TAFA1: variants seen among roughly 807,000 people sequenced by gnomAD.
TAFA1 encodes the protein chemokine-like protein TAFA-1.
Under a neutral mutation model 18.5 loss-of-function variants are expected in TAFA1, and 4 were observed. The ratio of observed to expected loss-of-function variants is 0.22; its 90% CI spans 0.11 to 0.49. TAFA1 has a LOEUF of 0.49. TAFA1 is among the 20% of genes least tolerant of loss of function. The pLI, the probability that TAFA1 is intolerant of heterozygous loss-of-function variation, is 0.98. For missense variants in TAFA1, 147 were observed against 169.0 expected, an observed-to-expected ratio of 0.87 and a Z score of 0.72; for synonymous variants, 56 against 55.2, an observed-to-expected ratio of 1.01 and a Z score of -0.06.
At chr3:68,445,046 T>A (rs528264911) in intron 3 of TAFA1, among the ~76,000 whole-genome samples, 7 of 152,156 alleles carry the variant, frequency 4.6e-5, no homozygotes, top group Admixed American at 3.9e-4. Flanking sequence ...ATCTTGAGAA[T>A]AGAGCCCATA....
chr3:68,165,384 G>T (rs1205122165), intron 2 of TAFA1, among the ~76,000 whole-genome samples: 3 of 152,136 alleles, frequency 2.0e-5, no homozygotes, highest in African/African-American at 7.2e-5. Context: ...ATTTCTTAGG[G>T]TTACACTTTG....
chr3:68,345,970 C>T (rs7431487), intron 2 of TAFA1, among the ~76,000 whole-genome samples: 1 of 152,116 alleles, frequency 6.6e-6, no homozygotes, highest in Non-Finnish European at 1.5e-5. Flanking sequence ...AACTAACAGT[C>T]TGCTTAGAAT....
chr3:68,469,445 C>T (rs562885403), intron 3 of TAFA1, among the ~76,000 whole-genome samples: 7 of 152,186 alleles, frequency 4.6e-5, no homozygotes, highest in African/African-American at 4.8e-5. Flanking sequence ...GAGGCCAAAG[C>T]GGGTGGATCA....
Position 68,498,064 on chromosome 3 carries a change from C to G in TAFA1, c.260-40692C>G, listed in dbSNP as rs577377249. Among the ~76,000 whole-genome samples, 3 of 152,266 alleles carry G rather than the reference C, an allele frequency of 2.0e-5. No homozygotes were observed. The East Asian group carries it at 5.8e-4, about 29-fold the overall frequency. On this transcript the variant is annotated intron_variant, in intron 3 of 4. Transcript: ENST00000478136. ...CTAAGTACATTCTTTACCAACGTAG[C>G]TTGAGGCACTTGGTATTGTCAAATA... is the stretch of plus-strand genomic sequence containing the variant.
intron 2 of TAFA1, among the ~76,000 whole-genome samples, chr3:68,151,165 A>T (rs1575647130): frequency 6.6e-6 from 1 of 151,950 alleles, no homozygotes; most frequent in Non-Finnish European, 1.5e-5. Flanking sequence ...CACCATTAAC[A>T]TTCTCCTTTG....
intron 2 of TAFA1, among the ~76,000 whole-genome samples, chr3:68,210,368 T>G (rs979941700): frequency 6.6e-6 from 1 of 151,970 alleles, no homozygotes; most frequent in African/African-American, 2.4e-5. Flanking sequence ...GTTATCAGTG[T>G]GAATACACAT....
intron 2 of TAFA1, among the ~76,000 whole-genome samples, chr3:68,398,080 A>G (rs190748736): frequency 3.9e-5 from 6 of 152,106 alleles, no homozygotes; most frequent in Non-Finnish European, 5.9e-5. Context: ...TTTAAATTTC[A>G]TATGGAATAA....
At chr3:68,336,470 G>T (rs13340114) in intron 2 of TAFA1, among the ~76,000 whole-genome samples, 1 of 152,190 alleles carries the variant, frequency 6.6e-6, no homozygotes, top group South Asian at 2.1e-4. Context: ...ATATCTATGT[G>T]AAATTTCCTC....
At chr3:68,305,418 TATATATATATATATATATATA>T (rs2106658981) in intron 2 of TAFA1, among the ~76,000 whole-genome samples, 1 of 40,008 alleles carries the variant, frequency 2.5e-5, no homozygotes, top group South Asian at 7.0e-4. Flanking sequence ...ACTATATATA[TATATATATATATATATATATA>T]TATATATATA....
chr3:68,477,959 T>C (rs989413195), intron 3 of TAFA1, among the ~76,000 whole-genome samples: 7 of 152,214 alleles, frequency 4.6e-5, no homozygotes, highest in Admixed American at 3.9e-4. Context: ...GTTCCACTAA[T>C]GGCTTGGAAA....
At chr3:68,476,540 G>C (rs2072100095) in intron 3 of TAFA1, among the ~76,000 whole-genome samples, 1 of 152,108 alleles carries the variant, frequency 6.6e-6, no homozygotes, top group South Asian at 2.1e-4. Context: ...GAGTAATAAT[G>C]AATGAATAGT....
At chr3:68,453,417 C>T (rs896043899) in intron 3 of TAFA1, among the ~76,000 whole-genome samples, 15 of 152,202 alleles carry the variant, frequency 9.9e-5, no homozygotes, top group Admixed American at 4.6e-4. Context: ...CAAGCTGTAA[C>T]ACTATCCTCA....
At chr3:68,162,191 T>C (rs1354353858) in intron 2 of TAFA1, among the ~76,000 whole-genome samples, 1 of 152,190 alleles carries the variant, frequency 6.6e-6, no homozygotes, top group African/African-American at 2.4e-5. Flanking sequence ...TCCTCAACTC[T>C]TCTTTGCATG....
At chr3:68,361,253 T>A (rs1035221442) in intron 2 of TAFA1, among the ~76,000 whole-genome samples, 1 of 151,920 alleles carries the variant, frequency 6.6e-6, no homozygotes, top group African/African-American at 2.4e-5. Context: ...GAAAGATAGA[T>A]GCCATATGTT....
chr3:68,213,234 T>G (rs959123134), intron 2 of TAFA1, among the ~76,000 whole-genome samples: 20 of 152,020 alleles, frequency 1.3e-4, no homozygotes, highest in African/African-American at 4.6e-4. Flanking sequence ...CTTGAAAAAT[T>G]GAAGGAAATG....
chr3:68,338,314 A>G (rs939018592), intron 2 of TAFA1, among the ~76,000 whole-genome samples: 2 of 152,188 alleles, frequency 1.3e-5, no homozygotes, highest in African/African-American at 4.8e-5. Flanking sequence ...GCTATGTTCT[A>G]CAGTCAGTAC....
intron 2 of TAFA1, among the ~76,000 whole-genome samples, chr3:68,283,858 T>G (rs1385108175): frequency 1.3e-5 from 2 of 152,136 alleles, no homozygotes; most frequent in Non-Finnish European, 1.5e-5. Context: ...ATTGGCAAAA[T>G]TTTCATTGAT....
At chr3:68,298,395 A>T (rs1383832836) in intron 2 of TAFA1, among the ~76,000 whole-genome samples, 2 of 152,220 alleles carry the variant, frequency 1.3e-5, no homozygotes, top group Non-Finnish European at 2.9e-5. Context: ...GGGAGGGGAC[A>T]TCAAAAGAAT....
intron 2 of TAFA1, among the ~76,000 whole-genome samples, chr3:68,342,264 C>G (rs1310399817): frequency 6.6e-6 from 1 of 152,178 alleles, no homozygotes; most frequent in Non-Finnish European, 1.5e-5. Context: ...TAAGAAAGTA[C>G]TAGAAAATCT....
Sources: allele counts gnomAD v4.1 joint callset (sites outside exome capture counted in the v4.1 genomes callset), GRCh38; gene constraint gnomAD v4.1.1; transcripts MANE v1.5; gene names NCBI Gene and HGNC (gene_info 2026-07-23, HGNC 2026-07-21).